Variants in DHX58 observed in about 807,000 individuals in gnomAD.
The protein encoded by DHX58 is ATP-dependent RNA helicase DHX58.
A neutral mutation model predicts 65.0 loss-of-function variants in DHX58; 51 were observed. The observed-to-expected ratio is 0.78, with a 90% CI of 0.63 to 0.99. DHX58 has a LOEUF of 0.99. Ranked by LOEUF, DHX58 falls within the 50% of genes least tolerant of loss-of-function variation. The pLI is 0.00. For synonymous variants in DHX58, 350 were observed against 365.0 expected (o/e 0.96, Z 0.47); for missense variants, 773 against 891.8 (o/e 0.87, Z 1.70).
At chr17:42,112,379 T>C in intron 1 of DHX58, 174 bp from the exon 2 acceptor site, 3 of 295,506 alleles carry the variant, frequency 1.0e-5, no homozygotes, top group Admixed American at 4.4e-5. Context: ...TCACCTCCCA[T>C]TGGTAGGGCC....
chr17:42,104,863 TC>T lies in DHX58; in HGVS notation c.1465del (p.Glu489SerfsTer2). 6.2e-7 allele frequency: 1 copy of T among 1,614,158 alleles called. No homozygotes were observed. The highest frequency in any genetic ancestry group is 8.5e-7 in the Non-Finnish European group (1 of 1,180,028). On this transcript the variant is annotated frameshift_variant, in exon 11 of 14. Coordinates refer to ENST00000251642, the MANE Select transcript of DHX58 (RefSeq NM_024119.3). LOFTEE classifies it high-confidence loss of function. The stretch of plus-strand genomic sequence containing the variant: ...CTCGTTGATCAGCTCCCGCTTCAGC[TC>T]CCGGCTACCTTCAGTTGCTACAAAC... ...YAFVATEGSR[E>X]LKRELINEAL...
At chr17:42,107,911 T>A in intron 7 of DHX58, 71 bp downstream of exon 7, 3 of 1,578,480 alleles carry the variant, frequency 1.9e-6, no homozygotes, top group Non-Finnish European at 2.6e-6. Flanking sequence ...CCCAAAGGCC[T>A]CCGCCCCGGC....
At chr17:42,106,285 A>AAGGGAAGG (rs1362365482) in intron 8 of DHX58, among the ~76,000 whole-genome samples, 141 of 136,040 alleles carry the variant, frequency 1.0e-3, no homozygotes, top group South Asian at 2.1e-3. Context: ...AGAAGGAAAG[A>AAGGGAAGG]AGGGAAGGAG....
chr17:42,103,546 C>T, intron 12 of DHX58, 62 bp downstream of exon 12: 1 of 1,589,104 alleles, frequency 6.3e-7, no homozygotes, highest in South Asian at 1.1e-5. Context: ...AGCTTCAAAG[C>T]ACTGTCTGGA....
chr17:42,111,017 C>T lies in DHX58; in HGVS notation c.371-104G>A, dbSNP rs562586729. 423 of 1,323,318 alleles carry T rather than the reference C, an allele frequency of 3.2e-4. No homozygotes were observed. In the African/African-American group the frequency reaches 5.8e-3, roughly 18 times the overall value. The allele number at this position is 1,323,318 out of a possible 1,614,324, so 82.0% of individuals were successfully genotyped here. Reference sequence around the variant, plus strand: ...TGATGTAAGAATTCCTTCTTCCCTTCACAACCTGCAGCTGGTCCCAGGATG... The same window carrying T: ...TGATGTAAGAATTCCTTCTTCCCTTTACAACCTGCAGCTGGTCCCAGGATG... On this transcript the variant is annotated intron_variant, in intron 4 of 13. Coordinates refer to ENST00000251642, the MANE Select transcript of DHX58 (RefSeq NM_024119.3).
chr17:42,103,345 C>T (rs2054006385), intron 12 of DHX58: 8 of 510,222 alleles, frequency 1.6e-5, no homozygotes, highest in Non-Finnish European at 2.4e-5. Context: ...AATGTGTGGT[C>T]TTTTGACACT....
chr17:42,101,620 C>A lies in DHX58; in HGVS notation c.*141G>T. 8.4e-7 allele frequency: 1 copy of A among 1,187,406 alleles called. No individual in the cohort carries two copies. The highest frequency in any genetic ancestry group is 1.5e-5 in the South Asian group (1 of 64,558). The allele number at this position is 1,187,406 out of a possible 1,614,324, so 73.6% of individuals were successfully genotyped here. A position where few individuals can be genotyped will look rare whatever the true frequency, so the allele number is the denominator to read the frequency against. On this transcript the variant is annotated 3_prime_UTR_variant, in exon 14 of 14. Transcript: ENST00000251642. Reference sequence around the variant, plus strand: ...CCGGTTGTTTTCCCATTGCGGGAGCCTAAGCCAGGGTGCCCAGGACTCCTG... The same window carrying A: ...CCGGTTGTTTTCCCATTGCGGGAGCATAAGCCAGGGTGCCCAGGACTCCTG...
Position 42,101,558 on chromosome 17 carries a change from G to A in DHX58, c.*203C>T. The A allele has an allele frequency of 1.7e-6, 1 of 583,890 alleles. No individual in the cohort carries two copies. The allele number at this position is 583,890 out of a possible 1,614,324, so 36.2% of individuals were successfully genotyped here. The stretch of plus-strand genomic sequence containing the variant: ...ATCCAGTGCATATGAAAATGTCTAT[G>A]TGCGTACAAGGTAGGTCTGGACTAA... On this transcript the variant is annotated 3_prime_UTR_variant, in exon 14 of 14. Transcript: ENST00000251642.
At chr17:42,110,624 G>A (rs1485103631) in intron 5 of DHX58, 99 bp downstream of exon 5, 3 of 1,374,036 alleles carry the variant, frequency 2.2e-6, no homozygotes, top group Non-Finnish European at 2.9e-6. Context: ...TGGAGAGCCT[G>A]GTAGGGCTGG....
intron 9 of DHX58, 50 bp downstream of exon 9, chr17:42,105,686 T>C: frequency 6.6e-7 from 1 of 1,513,650 alleles, no homozygotes; most frequent in Non-Finnish European, 8.8e-7. Flanking sequence ...CCCGCACTTC[T>C]CTCCTATGGA....
In DHX58 at chr17:42,104,840, C is replaced by T. The variant is rs149021265; in HGVS notation, c.1489G>A (p.Glu497Lys). ...SRELKRELINEALETLMEQAV... is the reference protein window; with the variant it reads ...SRELKRELINKALETLMEQAV... ...TGCTCCATCAGCGTCTCCAGCGCCT[C>T]GTTGATCAGCTCCCGCTTCAGCTCC... The change falls in exon 11 of 14, where the codon GAG becomes AAG. Residue 497 changes from glutamate (E) to lysine (K), a missense_variant. Physicochemically the swap from Glu to Lys is moderately conservative, Grantham distance 56 (BLOSUM62 1). Transcript: ENST00000251642. 24 of 1,614,064 alleles carry T rather than the reference C, an allele frequency of 1.5e-5. No individual in the cohort carries two copies. Among genetic ancestry groups the T allele is most frequent in the African/African-American group, 8.0e-5 (6 of 74,934 alleles).
chr17:42,110,695 G>A lies in DHX58; in HGVS notation c.561+28C>T, dbSNP rs1332472170. 10 of 1,563,798 alleles carry A rather than the reference G, an allele frequency of 6.4e-6. No individual in the cohort carries two copies. In the South Asian group the frequency reaches 1.1e-4, roughly 17 times the overall value. On this transcript the variant is annotated intron_variant, in intron 5 of 13. Transcript: ENST00000251642. ...AGGGAAGTCCCTGGTGGGTCTGGCA[G>A]TGGGAGGCCCACAGGGGCCAGGCTG...
intron 6 of DHX58, among the ~76,000 whole-genome samples, chr17:42,108,733 G>A (rs374756961): frequency 4.6e-5 from 7 of 152,330 alleles, no homozygotes; most frequent in African/African-American, 1.7e-4. Context: ...GAGCCACAGG[G>A]CCGGAGCAGA....
At position 42,111,802 on chromosome 17, in the gene DHX58, T is replaced by C. The variant is rs781851482; in HGVS notation, c.91A>G (p.Thr31Ala). The C allele has an allele frequency of 4.9e-5, 79 of 1,613,830 alleles. No individual in the cohort carries two copies. The highest frequency in any genetic ancestry group is 6.4e-5 in the Non-Finnish European group (76 of 1,179,948). Residue 31 changes from threonine (T) to alanine (A), a missense_variant, in exon 3 of 14, where the codon ACC (threonine) becomes GCC (alanine). Transcript: ENST00000251642. ...IIWLPTGAGK[T>A]RAAAYVAKRH... ...TTGGCCACATAAGCAGCCGCCCGGG[T>C]CTTCCCGGCACCCGTGGGCAGCCAG...
At position 42,101,720 on chromosome 17, in the gene DHX58, GC is replaced by G; in HGVS notation, c.*40del. The G allele has an allele frequency of 1.9e-6, 3 of 1,601,294 alleles. No homozygotes were observed. Among genetic ancestry groups the G allele is most frequent in the Non-Finnish European group, 2.6e-6 (3 of 1,171,522 alleles). ...CCTGGAGTCTGCTGCAGACTCTCCC[GC>G]CCCCTACAGCCCAAACCGGGCACTG... On this transcript the variant is annotated 3_prime_UTR_variant, in exon 14 of 14. Coordinates refer to ENST00000251642, the MANE Select transcript of DHX58 (RefSeq NM_024119.3).
At chr17:42,106,631 C>G (rs780881639) in intron 8 of DHX58, among the ~76,000 whole-genome samples, 19 of 105,572 alleles carry the variant, frequency 1.8e-4, no homozygotes, top group Non-Finnish European at 2.9e-4. Flanking sequence ...AACCCCGTCT[C>G]TACTAAAAAT....
Position 42,110,782 on chromosome 17 carries a change from CTG to C in DHX58, c.500_501del (p.Thr167SerfsTer75). The part of the protein sequence containing the change: ...AQPLPQVLGL[T>X]ASPGTGGASK... ...GAGGCCCCGCCAGTGCCTGGGGAGG[CTG>C]TGAGACCCAGCACCTGGGGTAGCGG... On this transcript the variant is annotated frameshift_variant, in exon 5 of 14. Transcript: ENST00000251642. LOFTEE classifies it high-confidence loss of function. The C allele has an allele frequency of 5.6e-6, 9 of 1,613,578 alleles. No homozygotes were observed. Among genetic ancestry groups the C allele is most frequent in the South Asian group, 1.1e-5 (1 of 91,014 alleles).
At position 42,101,919 on chromosome 17, in the gene DHX58, A is replaced by G; in HGVS notation, c.1879T>C (p.Ser627Pro). 1 of 1,613,704 alleles carries G rather than the reference A, an allele frequency of 6.2e-7. No individual in the cohort carries two copies. Among genetic ancestry groups the G allele is most frequent in the Non-Finnish European group, 8.5e-7 (1 of 1,179,808 alleles). The change falls in exon 14 of 14, where the codon TCA (serine) becomes CCA (proline). Residue 627 changes from serine (S) to proline (P), a missense_variant. Transcript: ENST00000251642. ...ACTTTGAGCACTGGCAGCTTCACTG[A>G]CTTGTAGATCATCTGCAGACCCCAG... ...EVWGLQMIYK[S>P]VKLPVLKVRS...
Position 42,103,726 on chromosome 17 carries a change from G to A in DHX58, c.1636C>T (p.Gln546Ter). Residue 546 changes from glutamine (Q) to a stop codon, truncating the protein, a stop_gained, in exon 12 of 14, where the codon CAG (glutamine) becomes TAG (stop). Transcript: ENST00000251642. LOFTEE classifies it high-confidence loss of function. ...QAAQRENQRQ[Q>*]FPVEHVQLLC... ...AGCTGCACGTGCTCCACTGGGAACT[G>A]CTGCCGCTGGTTCTCCCGCTGGGCT... 1 of 1,613,458 alleles carries A rather than the reference G, an allele frequency of 6.2e-7. No homozygotes were observed. Among genetic ancestry groups the A allele is most frequent in the Admixed American group, 1.7e-5 (1 of 60,028 alleles).
Sources: allele counts gnomAD v4.1 joint callset (sites outside exome capture counted in the v4.1 genomes callset), GRCh38; gene constraint gnomAD v4.1.1; transcripts MANE v1.5; gene names NCBI Gene and HGNC (gene_info 2026-07-23, HGNC 2026-07-21).